GPC3: variants seen among roughly 807,000 people sequenced by gnomAD.
The protein encoded by GPC3 is glypican-3.
A neutral mutation model predicts 34.4 loss-of-function variants in GPC3; 3 were observed. The ratio of observed to expected loss-of-function variants is 0.09; its 90% CI spans 0.04 to 0.23. GPC3 has a LOEUF of 0.23. Among genes scored for constraint, GPC3 ranks in the 10% least tolerant of loss-of-function variants. The probability of loss-of-function intolerance (pLI) is 1.00; values close to 1 mark genes in which losing one functional copy is unlikely to be tolerated. For missense variants in GPC3, 351 were observed against 445.6 expected (o/e 0.79, Z 1.91); for synonymous variants, 177 against 174.0 (o/e 1.02, Z -0.13).
rs774959145 is a variant in GPC3, at chrX:133,699,897, T to C, written c.1164A>G (p.Arg388=). ...VEHEETLSSR[R]RELIQKLKSF... is the part of the protein sequence containing the mutation. ...TAAAGAAAAAAGAAACCTCTCACCT[T>C]CTTCGGCTGGATAAGGTTTCTTCAT... The change falls in exon 4 of 8, where the codon AGA becomes AGG. Residue 388 remains arginine (R), a splice_region_variant and synonymous_variant. Transcript: ENST00000370818. 3 of 1,203,788 alleles carry C rather than the reference T, an allele frequency of 2.5e-6. No homozygotes were observed. The Admixed American group carries it at 6.6e-5, about 26-fold the overall frequency.
At chrX:133,661,640 C>G (rs961626468) in intron 6 of GPC3, 90 bp downstream of exon 6, 1 of 29,540 alleles carries the variant, frequency 3.4e-5, no homozygotes, top group Non-Finnish European at 5.9e-5. Context: ...CTCTCCCCCC[C>G]CCCTCTCTCT....
chrX:133,602,378 G>C (rs2069992200), intron 6 of GPC3, among the ~76,000 whole-genome samples: 1 of 111,432 alleles, frequency 9.0e-6, no homozygotes, highest in Non-Finnish European at 1.9e-5. Flanking sequence ...TAGCAGGTGA[G>C]CACCTGGGAT....
intron 2 of GPC3, among the ~76,000 whole-genome samples, chrX:133,945,169 T>C (rs1283468254): frequency 9.0e-6 from 1 of 111,585 alleles, no homozygotes; most frequent in Non-Finnish European, 1.9e-5. Context: ...GGCGGGCAGA[T>C]AGCTTGAGCC....
chrX:133,829,429 G>C (rs2075765030), intron 2 of GPC3, among the ~76,000 whole-genome samples: 1 of 111,797 alleles, frequency 8.9e-6, no homozygotes, highest in African/African-American at 3.2e-5. Flanking sequence ...AGGTCAGCAA[G>C]GAAACAGAAG....
chrX:133,811,174 C>T (rs1052097129), intron 2 of GPC3, among the ~76,000 whole-genome samples: 1 of 112,104 alleles, frequency 8.9e-6, no homozygotes, highest in Admixed American at 9.5e-5. Context: ...ATCTGTGAGT[C>T]ACTTCTAAAT....
intron 2 of GPC3, among the ~76,000 whole-genome samples, chrX:133,892,579 A>G (rs1481793557): frequency 9.0e-6 from 1 of 110,620 alleles, no homozygotes. Context: ...GGATGCTTGG[A>G]CTTTTTTGTT....
intron 7 of GPC3, among the ~76,000 whole-genome samples, chrX:133,577,307 G>A (rs181675022): frequency 4.5e-5 from 5 of 112,090 alleles, no homozygotes; most frequent in Admixed American, 3.8e-4. Context: ...AAATAAACAC[G>A]GCATGAGAAA....
intron 3 of GPC3, among the ~76,000 whole-genome samples, chrX:133,736,430 T>A (rs2071511862): frequency 8.9e-6 from 1 of 112,036 alleles, no homozygotes; most frequent in Admixed American, 9.4e-5. Context: ...TGCACAAATG[T>A]TCATAGCAAC....
intron 2 of GPC3, among the ~76,000 whole-genome samples, chrX:133,920,289 A>G (rs1162033957): frequency 8.9e-6 from 1 of 111,999 alleles, no homozygotes; most frequent in Non-Finnish European, 1.9e-5. Context: ...AGTGGCACAG[A>G]CACCACACAC....
intron 2 of GPC3, among the ~76,000 whole-genome samples, chrX:133,949,335 T>C (rs767503802): frequency 8.0e-5 from 9 of 112,103 alleles, no homozygotes; most frequent in Non-Finnish European, 1.5e-4. Context: ...CACTGTGGCC[T>C]GTAGGAGTAT....
chrX:133,897,483 A>G (rs1294430614), intron 2 of GPC3, among the ~76,000 whole-genome samples: 1 of 110,125 alleles, frequency 9.1e-6, no homozygotes, highest in African/African-American at 3.3e-5. Context: ...GTTAAAAGGA[A>G]TAAAAGATCC....
intron 3 of GPC3, among the ~76,000 whole-genome samples, chrX:133,718,385 T>G (rs1603232209): frequency 9.0e-6 from 1 of 111,357 alleles, no homozygotes. Context: ...TTATAAAATG[T>G]TAGTTGCAAT....
At chrX:133,948,635 TTCA>T (rs1161004077) in intron 2 of GPC3, among the ~76,000 whole-genome samples, 1 of 111,688 alleles carries the variant, frequency 9.0e-6, no homozygotes, top group African/African-American at 3.3e-5. Context: ...TAGCTGCTTA[TTCA>T]TATATGAAAT....
At chrX:133,652,717 C>T (rs893208682) in intron 6 of GPC3, among the ~76,000 whole-genome samples, 1 of 111,787 alleles carries the variant, frequency 8.9e-6, no homozygotes, top group African/African-American at 3.3e-5. Flanking sequence ...TACAGTTGAA[C>T]ACTAGATCTC....
chrX:133,969,739 T>C (rs762119761), intron 1 of GPC3, among the ~76,000 whole-genome samples: 1 of 111,234 alleles, frequency 9.0e-6, no homozygotes, highest in Non-Finnish European at 1.9e-5. Context: ...GAAATAAAAA[T>C]AGTAGTAGAT....
At position 133,699,124 on chromosome X, in the gene GPC3, C is replaced by T. The variant is rs151156604; in HGVS notation, c.1166+771G>A. Among the ~76,000 whole-genome samples, 932 of 111,624 alleles carry T rather than the reference C, an allele frequency of 8.3e-3. 8 individuals carry two copies. Among genetic ancestry groups the T allele is most frequent in the African/African-American group, 0.029 (877 of 30,719 alleles). Reference sequence around the variant, plus strand: ...AATCTAGGCCACGTGTGGTGGCTCACGAGAATGGCTTTAACCTGGGAGGCA... The same window carrying T: ...AATCTAGGCCACGTGTGGTGGCTCATGAGAATGGCTTTAACCTGGGAGGCA... On this transcript the variant is annotated intron_variant, in intron 4 of 7. Coordinates refer to ENST00000370818, the MANE Select transcript of GPC3 (RefSeq NM_004484.4).
At chrX:133,536,620 TC>T (rs2069296085) in intron 7 of GPC3, among the ~76,000 whole-genome samples, 1 of 110,250 alleles carries the variant, frequency 9.1e-6, no homozygotes, top group Non-Finnish European at 1.9e-5. Context: ...TTGCAACATC[TC>T]CTCCCAGGCA....
chrX:133,699,452 C>T (rs2071146289), intron 4 of GPC3, among the ~76,000 whole-genome samples: 1 of 111,732 alleles, frequency 8.9e-6, no homozygotes, highest in Non-Finnish European at 1.9e-5. Flanking sequence ...CCAGATCCTT[C>T]ATTTTATCAT....
At chrX:133,737,197 A>G (rs1040977305) in intron 3 of GPC3, among the ~76,000 whole-genome samples, 3 of 112,430 alleles carry the variant, frequency 2.7e-5, no homozygotes, top group African/African-American at 9.7e-5. Flanking sequence ...ATCAGAGGTT[A>G]GTGGAGAGGG....
Sources: gnomAD v4.1 joint callset for allele counts (sites outside exome capture counted in the v4.1 genomes callset) on GRCh38, gnomAD v4.1.1 for gene constraint, MANE v1.5 for transcripts, NCBI Gene and HGNC (gene_info 2026-07-23, HGNC 2026-07-21) for gene names.